The following MCTP1 variants were observed in gnomAD, a reference collection of about 807,000 sequenced individuals.
MCTP1 encodes the protein multiple C2 and transmembrane domain-containing protein 1.
Under a neutral mutation model 120.6 loss-of-function variants are expected in MCTP1, and 69 were observed. That is an observed-to-expected ratio of 0.57 (90% CI 0.47 to 0.70). The LOEUF is 0.70. Ranked by LOEUF, MCTP1 falls within the 30% of genes least tolerant of loss-of-function variation. The pLI is 0.00. For synonymous variants in MCTP1, 529 were observed against 493.1 expected (o/e 1.07, Z -0.96); for missense variants, 1,203 against 1,248.8 (o/e 0.96, Z 0.55).
chr5:95,121,049 T>C (rs1339319759), intron 1 of MCTP1, among the ~76,000 whole-genome samples: 1 of 151,932 alleles, frequency 6.6e-6, no homozygotes, highest in Admixed American at 6.6e-5. Context: ...CAGGCCAAGG[T>C]GGGCGGATCA....
rs116305926 is a variant in MCTP1 at position 94,785,373 on chromosome 5, T to C, written c.2557-6210A>G. Among the ~76,000 whole-genome samples, 893 of 152,232 alleles carry C rather than the reference T, an allele frequency of 5.9e-3. 8 individuals are homozygous for C. Among genetic ancestry groups the C allele is most frequent in the African/African-American group, 0.02 (815 of 41,570 alleles). On this transcript the variant is annotated intron_variant, in intron 18 of 22. Coordinates refer to ENST00000515393, the MANE Select transcript of MCTP1 (RefSeq NM_024717.7). ...AGGAAAATTCTAATCTTGGTGTCTT[T>C]AGGATATTGCATATTAATTCAATTG...
chr5:95,239,084 C>A (rs1755878475), intron 1 of MCTP1, among the ~76,000 whole-genome samples: 1 of 152,146 alleles, frequency 6.6e-6, no homozygotes, highest in Non-Finnish European at 1.5e-5. Context: ...CTTGGTCTCA[C>A]ATCTCACTGT....
intron 19 of MCTP1, among the ~76,000 whole-genome samples, chr5:94,735,035 G>A (rs1763905225): frequency 6.6e-6 from 1 of 152,180 alleles, no homozygotes; most frequent in Non-Finnish European, 1.5e-5. Flanking sequence ...TGACCTGTGT[G>A]AGTGTATCTG....
chr5:95,266,289 T>A (rs1442855226), intron 1 of MCTP1, among the ~76,000 whole-genome samples: 1 of 152,216 alleles, frequency 6.6e-6, no homozygotes, highest in Non-Finnish European at 1.5e-5. Flanking sequence ...TCATAAGAAT[T>A]GTTACTGAGT....
At chr5:94,843,007 T>G (rs1309908318) in intron 17 of MCTP1, among the ~76,000 whole-genome samples, 1 of 152,054 alleles carries the variant, frequency 6.6e-6, no homozygotes, top group Non-Finnish European at 1.5e-5. Context: ...ACATTCTTGA[T>G]TCCAAGTGAT....
chr5:95,102,807 G>C (rs2152374364), intron 1 of MCTP1, among the ~76,000 whole-genome samples: 1 of 152,304 alleles, frequency 6.6e-6, no homozygotes, highest in East Asian at 1.9e-4. Flanking sequence ...TCAGAAATGG[G>C]CAAAAGTAAC....
chr5:95,006,462 T>C (rs1834786257), intron 2 of MCTP1, among the ~76,000 whole-genome samples: 1 of 152,108 alleles, frequency 6.6e-6, no homozygotes, highest in Admixed American at 6.5e-5. Flanking sequence ...AATTTCCCAA[T>C]GGCAAAACAC....
chr5:95,271,652 G>A (rs1293554778), intron 1 of MCTP1, among the ~76,000 whole-genome samples: 2 of 151,988 alleles, frequency 1.3e-5, no homozygotes, highest in Admixed American at 1.3e-4. Context: ...CTTCCATGGT[G>A]GCTGTAAGTA....
chr5:94,723,622 C>T (rs1761425321), intron 19 of MCTP1, among the ~76,000 whole-genome samples: 1 of 151,574 alleles, frequency 6.6e-6, no homozygotes, highest in Non-Finnish European at 1.5e-5. Flanking sequence ...TATTTGCTTC[C>T]TCTTTTGCAA....
At chr5:95,026,687 C>T (rs1020612052) in intron 1 of MCTP1, among the ~76,000 whole-genome samples, 46 of 152,092 alleles carry the variant, frequency 3.0e-4, no homozygotes, top group Non-Finnish European at 5.4e-4. Flanking sequence ...GAGGGGTATG[C>T]CTGGCTTCTA....
intron 17 of MCTP1, among the ~76,000 whole-genome samples, chr5:94,848,882 G>A (rs867990334): frequency 2.0e-5 from 3 of 151,828 alleles, no homozygotes; most frequent in Middle Eastern, 3.4e-3. Context: ...TTATCCCACT[G>A]TTCAAGAAAT....
chr5:95,239,139 G>C (rs1426098939), intron 1 of MCTP1, among the ~76,000 whole-genome samples: 2 of 152,080 alleles, frequency 1.3e-5, no homozygotes, highest in African/African-American at 4.8e-5. Context: ...CATTAAAAAG[G>C]CCATTGAGCC....
Position 95,081,705 on chromosome 5 carries a change from T to C in MCTP1, c.721-64221A>G, listed in dbSNP as rs1243925347. Reference sequence around the variant, plus strand: ...TAGCTTTAGATTCACAGGATATGACTCAACTCTCAAACCAGTAAGGGAAGA... The same window carrying C: ...TAGCTTTAGATTCACAGGATATGACCCAACTCTCAAACCAGTAAGGGAAGA... On this transcript the variant is annotated intron_variant, in intron 1 of 22. Coordinates refer to ENST00000515393, the MANE Select transcript of MCTP1 (RefSeq NM_024717.7). 5 of 1,279,234 alleles carry C rather than the reference T, an allele frequency of 3.9e-6. No individual in the cohort carries two copies. The Admixed American group carries it at 1.5e-4, about 38-fold the overall frequency. The allele number at this position is 1,279,234 out of a possible 1,614,324, so 79.2% of individuals were successfully genotyped here.
chr5:94,866,316 T>G (rs1387576542), intron 17 of MCTP1, among the ~76,000 whole-genome samples: 1 of 152,010 alleles, frequency 6.6e-6, no homozygotes, highest in Non-Finnish European at 1.5e-5. Flanking sequence ...CCCATTCTTA[T>G]AGAACTCCCA....
At chr5:95,180,428 C>T (rs1316519620) in intron 1 of MCTP1, among the ~76,000 whole-genome samples, 4 of 152,234 alleles carry the variant, frequency 2.6e-5, no homozygotes, top group African/African-American at 7.2e-5. Flanking sequence ...GTCCACACTA[C>T]TTGACCTCTT....
At chr5:95,062,976 G>A (rs572274748) in intron 1 of MCTP1, among the ~76,000 whole-genome samples, 29 of 151,790 alleles carry the variant, frequency 1.9e-4, no homozygotes, top group Non-Finnish European at 2.1e-4. Flanking sequence ...GTGCCACCTC[G>A]CCCAGCTAAT....
chr5:95,070,874 C>T (rs532345810), intron 1 of MCTP1, among the ~76,000 whole-genome samples: 38 of 152,204 alleles, frequency 2.5e-4, no homozygotes, highest in African/African-American at 8.9e-4. Context: ...GTGGGAGGGG[C>T]TGACTTGGTT....
At chr5:94,919,856 T>C (rs78007902) in intron 7 of MCTP1, among the ~76,000 whole-genome samples, 3 of 152,254 alleles carry the variant, frequency 2.0e-5, no homozygotes, top group African/African-American at 2.4e-5. Flanking sequence ...CAAAGTAGGA[T>C]TGCTTTTACA....
At chr5:95,202,722 T>A in intron 1 of MCTP1, among the ~76,000 whole-genome samples, 1 of 152,098 alleles carries the variant, frequency 6.6e-6, no homozygotes, top group East Asian at 1.9e-4. Flanking sequence ...TCAATCTTTC[T>A]CTTTTTTCTT....
Sources: allele counts gnomAD v4.1 joint callset (sites outside exome capture counted in the v4.1 genomes callset), GRCh38; gene constraint gnomAD v4.1.1; transcripts MANE v1.5; gene names NCBI Gene and HGNC (gene_info 2026-07-23, HGNC 2026-07-21).